Variants in GSG1L observed in about 807,000 individuals in gnomAD.
The protein encoded by GSG1L is GSG1 like, also known as germ cell-specific gene 1-like protein.
GSG1L carries 24 observed loss-of-function variants against 42.1 expected under a neutral mutation model. That is an observed-to-expected ratio of 0.57 (90% CI 0.41 to 0.80). GSG1L has a LOEUF of 0.80. GSG1L is among the 30% of genes least tolerant of loss of function. GSG1L has a pLI of 0.00. For synonymous variants in GSG1L, 215 were observed against 203.5 expected, an observed-to-expected ratio of 1.06 and a Z score of -0.48; for missense variants, 445 against 472.2, an observed-to-expected ratio of 0.94 and a Z score of 0.53.
At chr16:27,835,580 CTTT>C (rs1191047122) in intron 4 of GSG1L, among the ~76,000 whole-genome samples, 2 of 150,412 alleles carry the variant, frequency 1.3e-5, no homozygotes, top group African/African-American at 4.9e-5. Flanking sequence ...TTTTGTTTCT[CTTT>C]TCTTTTTTCT....
At chr16:27,866,101 C>G (rs1299335677) in intron 3 of GSG1L, among the ~76,000 whole-genome samples, 1 of 152,056 alleles carries the variant, frequency 6.6e-6, no homozygotes, top group East Asian at 1.9e-4. Flanking sequence ...CTCTGTATAT[C>G]TCTCTGCCTC....
intron 2 of GSG1L, among the ~76,000 whole-genome samples, chr16:27,916,806 C>T (rs1281629559): frequency 6.6e-6 from 1 of 151,726 alleles, no homozygotes; most frequent in Non-Finnish European, 1.5e-5. Context: ...GCTTAGGACA[C>T]GATGTGATAC....
intron 1 of GSG1L, among the ~76,000 whole-genome samples, chr16:27,992,250 A>G (rs923950191): frequency 1.3e-5 from 2 of 152,182 alleles, no homozygotes; most frequent in Non-Finnish European, 2.9e-5. Flanking sequence ...TAATCCAAGC[A>G]CTTTGGGAGG....
rs191663344 is a variant in GSG1L at position 28,019,275 on chromosome 16, G to A, written c.349+43801C>T. Among the ~76,000 whole-genome samples, 553 of 152,276 alleles carry A rather than the reference G, an allele frequency of 3.6e-3. 2 individuals are homozygous for A. Among genetic ancestry groups the A allele is most frequent in the Non-Finnish European group, 6.1e-3 (413 of 68,022 alleles). ...GTCAGCCAAATCCCACCAAAACCAA[G>A]ATGGCCACGAAAGTGACCTCTGGTC... On this transcript the variant is annotated intron_variant, in intron 1 of 6. Coordinates refer to ENST00000447459, the MANE Select transcript of GSG1L (RefSeq NM_001109763.2).
intron 1 of GSG1L, among the ~76,000 whole-genome samples, chr16:28,053,544 C>T (rs766626347): frequency 2.0e-5 from 3 of 152,286 alleles, no homozygotes; most frequent in Middle Eastern, 3.4e-3. Flanking sequence ...GCCACTCCCC[C>T]GGGGCTGAGG....
At chr16:27,951,897 C>A (rs146141586) in intron 2 of GSG1L, among the ~76,000 whole-genome samples, 1 of 152,310 alleles carries the variant, frequency 6.6e-6, no homozygotes, top group South Asian at 2.1e-4. Flanking sequence ...AAATGACTCA[C>A]GCAAGACTCA....
intron 3 of GSG1L, among the ~76,000 whole-genome samples, chr16:27,866,295 T>C (rs2083723967): frequency 6.6e-6 from 1 of 152,224 alleles, no homozygotes; most frequent in Non-Finnish European, 1.5e-5. Flanking sequence ...AAAGTCTCAG[T>C]GCTGCCACAA....
intron 2 of GSG1L, among the ~76,000 whole-genome samples, chr16:27,911,583 T>C (rs1375016176): frequency 6.6e-6 from 1 of 152,210 alleles, no homozygotes; most frequent in Non-Finnish European, 1.5e-5. Context: ...AGGCATCTCC[T>C]TGCTGCTTGG....
intron 2 of GSG1L, among the ~76,000 whole-genome samples, chr16:27,954,932 T>A (rs536022868): frequency 2.1e-4 from 32 of 152,196 alleles, no homozygotes; most frequent in Admixed American, 3.9e-4. Flanking sequence ...AGTGCTGGGA[T>A]CACAGATGTG....
At chr16:27,872,153 T>C (rs2083829373) in intron 3 of GSG1L, among the ~76,000 whole-genome samples, 1 of 152,192 alleles carries the variant, frequency 6.6e-6, no homozygotes, top group Admixed American at 6.5e-5. Context: ...GTATTATATC[T>C]GGGCAGCTGC....
At chr16:27,803,195 T>TC (rs1359357426) in intron 6 of GSG1L, among the ~76,000 whole-genome samples, 1 of 151,724 alleles carries the variant, frequency 6.6e-6, no homozygotes, top group East Asian at 1.9e-4. Flanking sequence ...TCTGATGCTG[T>TC]CCCCCCAGCT....
intron 6 of GSG1L, among the ~76,000 whole-genome samples, chr16:27,799,101 C>A (rs2144404947): frequency 6.6e-6 from 1 of 152,176 alleles, no homozygotes; most frequent in South Asian, 2.1e-4. Context: ...TGAGGAGAGG[C>A]TGGACATAAA....
chr16:27,902,924 C>A (rs1247678296), intron 2 of GSG1L, among the ~76,000 whole-genome samples: 1 of 152,088 alleles, frequency 6.6e-6, no homozygotes, highest in Non-Finnish European at 1.5e-5. Flanking sequence ...GGGTGCCATG[C>A]TGCAGCTGGG....
intron 2 of GSG1L, among the ~76,000 whole-genome samples, chr16:27,932,442 A>G (rs969008358): frequency 6.6e-6 from 1 of 152,160 alleles, no homozygotes; most frequent in Non-Finnish European, 1.5e-5. Flanking sequence ...GGCCTCAGGA[A>G]ACTTACAATC....
intron 5 of GSG1L, among the ~76,000 whole-genome samples, chr16:27,818,506 T>C (rs757473682): frequency 6.6e-6 from 1 of 151,974 alleles, no homozygotes; most frequent in African/African-American, 2.4e-5. Flanking sequence ...CAACACTGGG[T>C]GATGGCGTGC....
chr16:27,921,414 G>C (rs150491169), intron 2 of GSG1L, among the ~76,000 whole-genome samples: 62 of 152,266 alleles, frequency 4.1e-4, no homozygotes, highest in South Asian at 6.2e-4. Flanking sequence ...GATTTTGAAT[G>C]TCATTCTTAC....
intron 3 of GSG1L, among the ~76,000 whole-genome samples, chr16:27,874,441 CTTTTTTT>C (rs71140916): frequency 1.6e-4 from 15 of 94,472 alleles, no homozygotes; most frequent in Non-Finnish European, 2.7e-4. Context: ...ACAGGAGAGC[CTTTTTTT>C]TTTTTTTTTT....
chr16:27,807,483 T>A lies in GSG1L; in HGVS notation c.898+4A>T. The A allele has an allele frequency of 1.2e-6, 2 of 1,612,318 alleles. No individual in the cohort carries two copies. Among genetic ancestry groups the A allele is most frequent in the Non-Finnish European group, 1.7e-6 (2 of 1,179,086 alleles). ...TAGCAGATACCCACAAACAGGCCAC[T>A]TACGGGCAGGGTATCTCTCGTGGCG... On this transcript the variant is annotated splice_donor_region_variant and intron_variant, in intron 6 of 6. Transcript: ENST00000447459.
intron 1 of GSG1L, among the ~76,000 whole-genome samples, chr16:28,021,326 A>G (rs892062599): frequency 6.6e-6 from 1 of 152,094 alleles, no homozygotes; most frequent in African/African-American, 2.4e-5. Context: ...AAGTTAAATC[A>G]TTTGCCCAAG....
Sources: gnomAD v4.1 joint callset for allele counts (sites outside exome capture counted in the v4.1 genomes callset) on GRCh38, gnomAD v4.1.1 for gene constraint, MANE v1.5 for transcripts, NCBI Gene and HGNC (gene_info 2026-07-23, HGNC 2026-07-21) for gene names.